Variants in C5orf34 observed in about 807,000 individuals in gnomAD.
C5orf34 encodes the protein uncharacterized protein C5orf34.
A neutral mutation model predicts 78.4 loss-of-function variants in C5orf34; 73 were observed. That is an observed-to-expected ratio of 0.93 (90% CI 0.77 to 1.13). C5orf34 has a LOEUF of 1.13. Among genes scored for constraint, C5orf34 ranks in the 50% most tolerant of loss-of-function variants. The pLI, the probability that C5orf34 is intolerant of heterozygous loss-of-function variation, is 0.00. For missense variants in C5orf34, 730 were observed against 732.7 expected (o/e 1.00, Z 0.04); for synonymous variants, 251 against 246.6 (o/e 1.02, Z -0.17).
chr5:43,495,709 G>C, intron 6 of C5orf34: 11 of 1,578,322 alleles, frequency 7.0e-6, no homozygotes, highest in South Asian at 6.7e-5. Flanking sequence ...AGACATCCTG[G>C]AGAGGCAGGC....
chr5:43,500,092 T>C (rs1745696387), intron 6 of C5orf34, among the ~76,000 whole-genome samples: 1 of 152,206 alleles, frequency 6.6e-6, no homozygotes, highest in Non-Finnish European at 1.5e-5. Flanking sequence ...GCACCACTTT[T>C]CCCACACCCT....
chr5:43,500,143 TG>T (rs1745698471), intron 6 of C5orf34, among the ~76,000 whole-genome samples: 1 of 152,234 alleles, frequency 6.6e-6, no homozygotes, highest in African/African-American at 2.4e-5. Flanking sequence ...ATTGGCAATT[TG>T]GTAAGGGAAA....
At chr5:43,495,223 C>T in intron 6 of C5orf34, 4 of 1,609,854 alleles carry the variant, frequency 2.5e-6, no homozygotes, top group South Asian at 1.1e-5. Flanking sequence ...CTGAGAAGCT[C>T]TCAACAATGG....
At position 43,506,407 on chromosome 5, in the gene C5orf34, G is replaced by C. The variant is rs759801745; in HGVS notation, c.286-13C>G. 38 of 1,570,854 alleles carry C rather than the reference G, an allele frequency of 2.4e-5. 1 individual carries two copies. Among genetic ancestry groups the C allele is most frequent in the Non-Finnish European group, 8.6e-7 (1 of 1,161,052 alleles). ...CAATGAAGATATGCTGCAAGGAGAG[G>C]GGAAAAGAGACGGTGAGTATTTTCT... On this transcript the variant is annotated splice_polypyrimidine_tract_variant and intron_variant, in intron 3 of 12. Coordinates refer to ENST00000306862, the MANE Select transcript of C5orf34 (RefSeq NM_198566.4).
At position 43,502,472 on chromosome 5, in the gene C5orf34, G is replaced by T; in HGVS notation, c.1052C>A (p.Ser351Ter). 6.3e-7 allele frequency: 1 copy of T among 1,575,206 alleles called. No homozygotes were observed. Residue 351 changes from serine to a stop codon, truncating the protein, a stop_gained, in exon 6 of 13, where the codon TCA becomes TAA. Transcript: ENST00000306862. LOFTEE classifies it high-confidence loss of function. ...TYRLTHQNMN[S>*]IEIYSGDGSV... is the part of the protein sequence containing the mutation. ...TCCATCCCCAGAATAAATCTCTATT[G>T]AGTTCATATTTTGATGGGTAAGTCT...
At chr5:43,487,806 A>G (rs748694766) in intron 12 of C5orf34, 103 bp downstream of exon 12, 73 of 830,428 alleles carry the variant, frequency 8.8e-5, no homozygotes, top group Non-Finnish European at 1.2e-4. Flanking sequence ...GGTTAGCAAT[A>G]TATTAAGTAT....
intron 6 of C5orf34, among the ~76,000 whole-genome samples, chr5:43,499,273 G>T (rs1745664021): frequency 6.6e-6 from 1 of 152,150 alleles, no homozygotes; most frequent in Non-Finnish European, 1.5e-5. Context: ...TTAGCTATAT[G>T]CTCCTCCTAC....
intron 4 of C5orf34, among the ~76,000 whole-genome samples, chr5:43,504,946 A>C (rs1745916678): frequency 6.6e-6 from 1 of 152,218 alleles, no homozygotes; most frequent in South Asian, 2.1e-4. Context: ...GCCTGGGATC[A>C]AATCTCAATT....
chr5:43,491,542 GA>G (rs2112269736), intron 10 of C5orf34, among the ~76,000 whole-genome samples: 1 of 150,080 alleles, frequency 6.7e-6, no homozygotes, highest in South Asian at 2.1e-4. Context: ...CCACTTTATA[GA>G]AATATACAGA....
intron 1 of C5orf34, among the ~76,000 whole-genome samples, chr5:43,512,358 A>G (rs1282026217): frequency 6.6e-6 from 1 of 152,172 alleles, no homozygotes; most frequent in African/African-American, 2.4e-5. Context: ...CCTATTTCCT[A>G]CCTATAAACA....
intron 6 of C5orf34, among the ~76,000 whole-genome samples, chr5:43,494,894 A>T (rs1745436760): frequency 6.6e-6 from 1 of 152,202 alleles, no homozygotes; most frequent in Admixed American, 6.5e-5. Context: ...CCACATGCAA[A>T]AAAGAAAACC....
intron 5 of C5orf34, 66 bp from the exon 6 acceptor site, chr5:43,502,561 T>A: frequency 1.1e-6 from 1 of 932,418 alleles, no homozygotes. Context: ...ATGAAGATAG[T>A]CATCAAAAAA....
chr5:43,506,298 A>C lies in C5orf34; in HGVS notation c.382T>G (p.Leu128Val). The change falls in exon 4 of 13, where the codon TTA becomes GTA. Residue 128 changes from leucine to valine, a missense_variant. Leu to Val is a conservative substitution (Grantham distance 32). Transcript: ENST00000306862. ...AGGCAGAGGTATGCATGACCATCTA[A>C]AGATGTTATCTTCACAATGCCACTC... ...MESGIVKITS[L>V]DGHAYLCLPR... 6.2e-7 allele frequency: 1 copy of C among 1,614,134 alleles called. No individual in the cohort carries two copies. Among genetic ancestry groups the C allele is most frequent in the Non-Finnish European group, 8.5e-7 (1 of 1,180,026 alleles).
chr5:43,494,635 T>C (rs767867885), intron 6 of C5orf34, 34 bp from the exon 7 acceptor site: 5 of 1,409,024 alleles, frequency 3.5e-6, no homozygotes, highest in Non-Finnish European at 4.0e-6. Flanking sequence ...ATTTCATTAA[T>C]AATAAATTTT....
chr5:43,502,325 A>G, intron 6 of C5orf34, 47 bp downstream of exon 6: 1 of 1,596,964 alleles, frequency 6.3e-7, no homozygotes, highest in Non-Finnish European at 8.6e-7. Flanking sequence ...ATTTAGAAAG[A>G]GCTATACAGC....
chr5:43,501,008 G>A (rs1164891366), intron 6 of C5orf34, among the ~76,000 whole-genome samples: 1 of 152,186 alleles, frequency 6.6e-6, no homozygotes, highest in Non-Finnish European at 1.5e-5. Flanking sequence ...GCACACAAAG[G>A]TTGGAGAGTG....
chr5:43,487,241 G>C, intron 12 of C5orf34, 130 bp from the exon 13 acceptor site: 1 of 473,936 alleles, frequency 2.1e-6, no homozygotes, highest in African/African-American at 2.0e-5. Context: ...AATACAGTTG[G>C]AACTGCAAGG....
At chr5:43,498,471 C>T (rs138951665) in intron 6 of C5orf34, among the ~76,000 whole-genome samples, 1 of 151,538 alleles carries the variant, frequency 6.6e-6, no homozygotes, top group Non-Finnish European at 1.5e-5. Flanking sequence ...TCATGGTAGG[C>T]GCAAAAGAAA....
chr5:43,494,129 T>C (rs1223297736), intron 7 of C5orf34, among the ~76,000 whole-genome samples: 1 of 152,194 alleles, frequency 6.6e-6, no homozygotes, highest in Non-Finnish European at 1.5e-5. Context: ...ATCATTAGTA[T>C]ATTTTCAGAA....
Sources: gnomAD v4.1 joint callset for allele counts (sites outside exome capture counted in the v4.1 genomes callset) on GRCh38, gnomAD v4.1.1 for gene constraint, MANE v1.5 for transcripts, NCBI Gene and HGNC (gene_info 2026-07-23, HGNC 2026-07-21) for gene names.